ACTR3C: variants seen among roughly 807,000 people sequenced by gnomAD.
ACTR3C encodes the protein actin related protein 3C.
ACTR3C carries 18 observed loss-of-function variants against 26.3 expected under a neutral mutation model. That is an observed-to-expected ratio of 0.68 (90% confidence interval 0.47 to 1.01). ACTR3C has a LOEUF of 1.01. Ranked by LOEUF, ACTR3C falls within the 50% of genes least tolerant of loss-of-function variation. The pLI is 0.00. For synonymous variants in ACTR3C, 55 were observed against 94.5 expected, an observed-to-expected ratio of 0.58 and a Z score of 2.42; for missense variants, 184 against 250.7, an observed-to-expected ratio of 0.73 and a Z score of 1.80.
the ACTR3C span, among the ~76,000 whole-genome samples, chr7:150,049,151 G>A: frequency 6.6e-6 from 1 of 151,992 alleles, no homozygotes; most frequent in Non-Finnish European, 1.5e-5. Flanking sequence ...GCCCCTGTGT[G>A]GACACCCGCA....
chr7:150,040,048 C>G, the ACTR3C span, among the ~76,000 whole-genome samples: 4 of 136,402 alleles, frequency 2.9e-5, no homozygotes, highest in Non-Finnish European at 6.2e-5. Flanking sequence ...GAGTCCCCGC[C>G]TCGCGGGGGG....
intron 1 of ACTR3C, among the ~76,000 whole-genome samples, chr7:150,310,710 C>T (rs2129615429): frequency 6.6e-6 from 1 of 152,252 alleles, no homozygotes; most frequent in Admixed American, 6.5e-5. Flanking sequence ...ACTGTCCTAC[C>T]CCAAGGTTTC....
chr7:150,094,739 A>T, the ACTR3C span, among the ~76,000 whole-genome samples: 1 of 150,696 alleles, frequency 6.6e-6, no homozygotes. Context: ...TCCCTCACGG[A>T]GCTCAGCGCC....
chr7:150,195,616 C>T, the ACTR3C span, among the ~76,000 whole-genome samples: 4 of 152,232 alleles, frequency 2.6e-5, no homozygotes, highest in African/African-American at 4.8e-5. Flanking sequence ...TGATAGCTCA[C>T]GCCTGTAACC....
At chr7:150,003,810 TTGTGTG>T in the ACTR3C span, among the ~76,000 whole-genome samples, 1 of 152,062 alleles carries the variant, frequency 6.6e-6, no homozygotes, top group Admixed American at 6.6e-5. Flanking sequence ...GTGTTTGTGT[TTGTGTG>T]TGTGGTTTGT....
intron 1 of ACTR3C, among the ~76,000 whole-genome samples, chr7:150,299,464 CAAAA>C (rs759969034): frequency 2.0e-3 from 28 of 14,110 alleles, no homozygotes; most frequent in African/African-American, 6.2e-3. Context: ...GACCCCCTCT[CAAAA>C]AAAAAAAAAA....
At chr7:150,185,670 AG>A in the ACTR3C span, among the ~76,000 whole-genome samples, 1 of 151,488 alleles carries the variant, frequency 6.6e-6, no homozygotes, top group Non-Finnish European at 1.5e-5. Context: ...CAGCAGAATA[AG>A]GGGGAGCCAA....
chr7:150,035,716 G>C, the ACTR3C span, among the ~76,000 whole-genome samples: 2 of 139,444 alleles, frequency 1.4e-5, no homozygotes, highest in African/African-American at 5.2e-5. Flanking sequence ...AAGCCAGGGG[G>C]TGAAGATGGT....
chr7:150,302,362 A>C (rs1795490760), intron 1 of ACTR3C, among the ~76,000 whole-genome samples: 2 of 152,356 alleles, frequency 1.3e-5, no homozygotes, highest in East Asian at 3.9e-4. Flanking sequence ...GCTGAACTCC[A>C]TAATCAAACA....
chr7:150,264,557 C>T lies in ACTR3C; in HGVS notation c.565-15503G>A, dbSNP rs181396895. 457 of 970,880 alleles carry T rather than the reference C, an allele frequency of 4.7e-4. 1 individual carries two copies. The highest frequency in any genetic ancestry group is 5.5e-4 in the Non-Finnish European group (448 of 817,880). The allele number at this position is 970,880 out of a possible 1,614,324, so 60.1% of individuals were successfully genotyped here. A position where few individuals can be genotyped will look rare whatever the true frequency, so the allele number is the denominator to read the frequency against. On this transcript the variant is annotated intron_variant, in intron 6 of 7. Transcript: ENST00000683684. ...ACACTAACTGAGGGGTGCTCTGAGTCCAGGTTATAATGTATATTACCCAGC... is the reference window on the plus strand; with the variant it reads ...ACACTAACTGAGGGGTGCTCTGAGTTCAGGTTATAATGTATATTACCCAGC...
chr7:150,039,786 A>T, the ACTR3C span, among the ~76,000 whole-genome samples: 15 of 88,700 alleles, frequency 1.7e-4, no homozygotes, highest in South Asian at 4.4e-4. Flanking sequence ...CAGGGGGGGA[A>T]GAGGGACTGG....
At chr7:150,039,735 CG>C in the ACTR3C span, among the ~76,000 whole-genome samples, 301 of 101,342 alleles carry the variant, frequency 3.0e-3, no homozygotes, top group African/African-American at 8.8e-3. Flanking sequence ...CCCACCCTCG[CG>C]GGGGGTGCCT....
At chr7:149,916,909 C>A in the ACTR3C span, among the ~76,000 whole-genome samples, 1 of 152,222 alleles carries the variant, frequency 6.6e-6, no homozygotes, top group Non-Finnish European at 1.5e-5. Flanking sequence ...ACATGTCTGC[C>A]TTTTAAGCAA....
intron 7 of ACTR3C, chr7:150,248,689 A>G (rs1832625370): frequency 4.1e-6 from 1 of 242,306 alleles, no homozygotes. Flanking sequence ...AGGATTCACA[A>G]TCTTATCAAA....
chr7:150,322,294 T>C (rs1274165899), intron 1 of ACTR3C, among the ~76,000 whole-genome samples: 1 of 152,190 alleles, frequency 6.6e-6, no homozygotes, highest in Admixed American at 6.5e-5. Flanking sequence ...AGGTTAGGCA[T>C]TCTAAGTCAC....
the ACTR3C span, among the ~76,000 whole-genome samples, chr7:150,065,480 T>G: frequency 1.4e-4 from 22 of 152,348 alleles, no homozygotes; most frequent in East Asian, 3.7e-3. Flanking sequence ...AGAGATGGCA[T>G]GTAAGGATAC....
the ACTR3C span, among the ~76,000 whole-genome samples, chr7:150,165,402 C>T: frequency 6.6e-6 from 1 of 151,608 alleles, no homozygotes; most frequent in Admixed American, 6.6e-5. Context: ...TTTAATGAAC[C>T]ATGGCCAGTC....
At chr7:150,141,839 T>G in the ACTR3C span, among the ~76,000 whole-genome samples, 20 of 151,958 alleles carry the variant, frequency 1.3e-4, no homozygotes, top group African/African-American at 4.8e-4. Flanking sequence ...TGAGGGTTTT[T>G]TTAATGTCTG....
At chr7:150,215,504 C>A in the ACTR3C span, among the ~76,000 whole-genome samples, 3 of 152,162 alleles carry the variant, frequency 2.0e-5, no homozygotes, top group Non-Finnish European at 4.4e-5. Flanking sequence ...GAAGGGATTT[C>A]GCTAGTTGAG....
Sources: gnomAD v4.1 joint callset for allele counts (sites outside exome capture counted in the v4.1 genomes callset) on GRCh38, gnomAD v4.1.1 for gene constraint, MANE v1.5 for transcripts, NCBI Gene and HGNC (gene_info 2026-07-23, HGNC 2026-07-21) for gene names.